BDNF: variants seen among roughly 807,000 people sequenced by gnomAD.
BDNF encodes brain derived neurotrophic factor, also known as neurotrophic factor BDNF precursor form.
Under a neutral mutation model 19.5 loss-of-function variants are expected in BDNF, and 1 was observed. The observed-to-expected ratio is 0.05, with a 90% CI of 0.02 to 0.24. The LOEUF (loss-of-function observed/expected upper bound fraction) is 0.24, where lower values mean the gene tolerates loss of function less well. Among genes scored for constraint, BDNF ranks in the 10% least tolerant of loss-of-function variants. The probability of loss-of-function intolerance (pLI) is 1.00; values close to 1 mark genes in which losing one functional copy is unlikely to be tolerated. For missense variants in BDNF, 195 were observed against 317.6 expected (o/e 0.61, Z 2.93); for synonymous variants, 100 against 121.6 (o/e 0.82, Z 1.17).
intron 1 of BDNF, among the ~76,000 whole-genome samples, chr11:27,680,539 G>A (rs1336164374): frequency 6.6e-6 from 1 of 152,108 alleles, no homozygotes; most frequent in African/African-American, 2.4e-5. Flanking sequence ...TAGCTGATAA[G>A]AACAATACTG....
At chr11:27,670,227 T>TC in intron 1 of BDNF, among the ~76,000 whole-genome samples, 1 of 152,160 alleles carries the variant, frequency 6.6e-6, no homozygotes, top group Non-Finnish European at 1.5e-5. Context: ...TGAAACTGGA[T>TC]CCCTTCTTTA....
chr11:27,660,609 C>T (rs1220704197), intron 1 of BDNF, among the ~76,000 whole-genome samples: 1 of 152,124 alleles, frequency 6.6e-6, no homozygotes, highest in African/African-American at 2.4e-5. Context: ...ATGTGGAATA[C>T]TTTAGCCATC....
upstream of BDNF, chr11:27,701,453 T>G (rs1275882892): frequency 2.0e-5 from 20 of 1,004,058 alleles, no homozygotes; most frequent in Non-Finnish European, 2.0e-5. Context: ...ATGTACTCCT[T>G]CTGTTCTGCA....
chr11:27,701,077 T>A, upstream of BDNF: 1 of 1,334,008 alleles, frequency 7.5e-7, no homozygotes, highest in South Asian at 1.2e-5. Context: ...ACACGCCGGC[T>A]TAAACAGAGT....
rs1859603136 is a variant in BDNF at position 27,699,323 on chromosome 11, C to T, written c.-22+841G>A. On this transcript the variant is annotated intron_variant, in intron 1 of 1. Coordinates refer to ENST00000356660, the MANE Select transcript of BDNF (RefSeq NM_001709.5). ...AGTCTGTAATCTCCCCTTCTTCTTG[C>T]CCGTCAGGCACAGAGCCCCCAATCC... 13 of 1,605,904 alleles carry T rather than the reference C, an allele frequency of 8.1e-6. No individual in the cohort carries two copies. In the Middle Eastern group the frequency reaches 1.7e-3, roughly 204 times the overall value.
intron 1 of BDNF, among the ~76,000 whole-genome samples, chr11:27,708,502 T>G (rs1388858399): frequency 6.6e-6 from 1 of 152,224 alleles, no homozygotes; most frequent in Non-Finnish European, 1.5e-5. Flanking sequence ...TTCTAATTTT[T>G]TTTTATTATT....
At position 27,658,119 on chromosome 11, in the gene BDNF, G is replaced by A. The variant is rs1339220115; in HGVS notation, c.446C>T (p.Thr149Met). ...SVCDSISEWV[T>M]AADKKTAVDM... is the part of the protein sequence containing the mutation. ...CACTGCAGTCTTTTTGTCTGCCGCC[G>A]TTACCCACTCACTAATACTGTCACA... The change falls in exon 2 of 2, where the codon ACG (threonine) becomes ATG (methionine). Residue 149 changes from threonine to methionine, a missense_variant. Physicochemically the swap from Thr to Met is moderately conservative, Grantham distance 81 (BLOSUM62 -1). Transcript: ENST00000356660. The surrounding 1 kb of genome is among the most constrained non-coding windows in gnomAD (Gnocchi z 5.7). The A allele has an allele frequency of 5.0e-6, 8 of 1,614,100 alleles. No homozygotes were observed. Among genetic ancestry groups the A allele is most frequent in the East Asian group, 2.2e-5 (1 of 44,866 alleles).
At chr11:27,719,136 G>T (rs1041692951) in intron 1 of BDNF, among the ~76,000 whole-genome samples, 1 of 152,230 alleles carries the variant, frequency 6.6e-6, no homozygotes, top group Non-Finnish European at 1.5e-5. Context: ...TCCCCCGGGG[G>T]TGCAGGCGGG....
chr11:27,678,504 A>G (rs1238112648), intron 1 of BDNF, among the ~76,000 whole-genome samples: 5 of 152,232 alleles, frequency 3.3e-5, no homozygotes, highest in Non-Finnish European at 5.9e-5. Flanking sequence ...CATTGCATAC[A>G]CTGCAAATTC....
intron 1 of BDNF, chr11:27,673,950 A>T: frequency 7.9e-7 from 1 of 1,270,674 alleles, no homozygotes; most frequent in Non-Finnish European, 1.1e-6. Flanking sequence ...CTGGAAAGGT[A>T]AGTTGCCTCT....
intron 1 of BDNF, among the ~76,000 whole-genome samples, chr11:27,696,804 T>C (rs1859058142): frequency 6.6e-6 from 1 of 152,198 alleles, no homozygotes; most frequent in African/African-American, 2.4e-5. Flanking sequence ...GAGATGCAAG[T>C]TGAAAATTAA....
At chr11:27,708,823 C>T (rs1445197795) in intron 1 of BDNF, among the ~76,000 whole-genome samples, 5 of 102,582 alleles carry the variant, frequency 4.9e-5, no homozygotes, top group Admixed American at 1.2e-4. Flanking sequence ...TTTAGAATTC[C>T]TCTTTTTTTT....
At chr11:27,715,859 T>C (rs1047522275) in intron 1 of BDNF, among the ~76,000 whole-genome samples, 15 of 152,162 alleles carry the variant, frequency 9.9e-5, no homozygotes, top group South Asian at 2.1e-4. Context: ...ATGAAACCTA[T>C]AGAGAGCTGT....
chr11:27,714,184 AT>A (rs956694224), intron 1 of BDNF, among the ~76,000 whole-genome samples: 1 of 151,912 alleles, frequency 6.6e-6, no homozygotes, highest in Non-Finnish European at 1.5e-5. Flanking sequence ...CTACACCCAC[AT>A]TTTTTTTCTT....
At chr11:27,717,656 T>C (rs747037119) in intron 1 of BDNF, among the ~76,000 whole-genome samples, 1 of 152,244 alleles carries the variant, frequency 6.6e-6, no homozygotes, top group Non-Finnish European at 1.5e-5. Flanking sequence ...GTTAAAATTC[T>C]CTCTCTTTCC....
At chr11:27,718,533 C>G (rs1860616063) in intron 1 of BDNF, among the ~76,000 whole-genome samples, 1 of 146,474 alleles carries the variant, frequency 6.8e-6, no homozygotes, top group Non-Finnish European at 1.5e-5. Context: ...AATCCCCCCG[C>G]CCCCAAGCTC....
In BDNF at chr11:27,657,932, G is replaced by A. The variant is rs778031646; in HGVS notation, c.633C>T (p.Thr211=). The change falls in exon 2 of 2, where the codon ACC becomes ACT. Residue 211 remains threonine (T), a synonymous_variant. Transcript: ENST00000356660. The surrounding 1 kb of genome is among the most constrained non-coding windows in gnomAD (Gnocchi z 5.0). ...TGGTAAGGGCCCGCACGTACGACTG[G>A]GTAGTTCGGCACTGGGAGTTCCAAT... The part of the protein sequence containing the change: ...KRHWNSQCRT[T]QSYVRALTMD... 1.9e-6 allele frequency: 3 copies of A among 1,614,118 alleles called. No individual in the cohort carries two copies. Among genetic ancestry groups the A allele is most frequent in the South Asian group, 1.1e-5 (1 of 91,084 alleles).
chr11:27,700,312 G>A lies in BDNF; in HGVS notation c.-170C>T, dbSNP rs547911376. 8.0e-4 allele frequency: 793 copies of A among 985,176 alleles called. 5 individuals carry two copies. In the African/African-American group the frequency reaches 0.013, roughly 16 times the overall value. The allele number at this position is 985,176 out of a possible 1,614,324, so 61.0% of individuals were successfully genotyped here. On this transcript the variant is annotated 5_prime_UTR_variant, in exon 1 of 2. Transcript: ENST00000356660. Reference sequence around the variant, plus strand: ...GGTGGGTGTCTCATTAAAGCCCCCCGAGCAGGAGGTGGAGGGGCGCACCGG... The same window carrying A: ...GGTGGGTGTCTCATTAAAGCCCCCCAAGCAGGAGGTGGAGGGGCGCACCGG...
At chr11:27,668,479 T>A (rs1325133735) in intron 1 of BDNF, among the ~76,000 whole-genome samples, 1 of 152,064 alleles carries the variant, frequency 6.6e-6, no homozygotes, top group East Asian at 1.9e-4. Context: ...GGAGCTGGTT[T>A]TTTAAAAAGA....
Sources: gnomAD v4.1 joint callset for allele counts (sites outside exome capture counted in the v4.1 genomes callset) on GRCh38, gnomAD v4.1.1 for gene constraint, Gnocchi (gnomAD v3.1) non-coding constraint, MANE v1.5 for transcripts, NCBI Gene and HGNC (gene_info 2026-07-23, HGNC 2026-07-21) for gene names.